Variants in SEMA3D observed in about 807,000 individuals in gnomAD.
SEMA3D encodes semaphorin 3D.
A neutral mutation model predicts 100.1 loss-of-function variants in SEMA3D; 84 were observed. The observed-to-expected ratio is 0.84, with a 90% CI of 0.70 to 1.01. The LOEUF is 1.01. SEMA3D is among the 50% of genes least tolerant of loss of function. The pLI, the probability that SEMA3D is intolerant of heterozygous loss-of-function variation, is 0.00. For synonymous variants in SEMA3D, 312 were observed against 320.7 expected, an observed-to-expected ratio of 0.97 and a Z score of 0.29; for missense variants, 875 against 934.1, an observed-to-expected ratio of 0.94 and a Z score of 0.82.
chr7:85,129,513 T>A (rs1431840741), intron 2 of SEMA3D, among the ~76,000 whole-genome samples: 1 of 152,038 alleles, frequency 6.6e-6, no homozygotes, highest in African/African-American at 2.4e-5. Flanking sequence ...CATCTTATCA[T>A]CAAAACAACA....
At chr7:85,119,585 A>G (rs1400504513) in intron 3 of SEMA3D, among the ~76,000 whole-genome samples, 1 of 152,132 alleles carries the variant, frequency 6.6e-6, no homozygotes, top group Non-Finnish European at 1.5e-5. Context: ...CTAGAGGGGA[A>G]TAATACACCC....
At chr7:85,091,811 G>T (rs12536409) in intron 4 of SEMA3D, among the ~76,000 whole-genome samples, 37,063 of 151,920 alleles carry the variant, frequency 0.24, 4,826 homozygotes, top group East Asian at 0.38. Flanking sequence ...AGATATAAAT[G>T]TCTATTCACA....
At chr7:85,006,738 T>C (rs1177172178) in intron 18 of SEMA3D, 64 bp downstream of exon 18, 2 of 1,347,080 alleles carry the variant, frequency 1.5e-6, no homozygotes, top group African/African-American at 3.0e-5. Context: ...AATTAAAAGT[T>C]GAACATCTCT....
chr7:85,071,032 A>T (rs1583893457), intron 6 of SEMA3D, among the ~76,000 whole-genome samples: 1 of 151,992 alleles, frequency 6.6e-6, no homozygotes, highest in African/African-American at 2.4e-5. Flanking sequence ...TGCCCACCTC[A>T]GCCTCCCAAA....
chr7:85,242,588 C>T, the SEMA3D span, among the ~76,000 whole-genome samples: 3 of 152,096 alleles, frequency 2.0e-5, no homozygotes, highest in Non-Finnish European at 4.4e-5. Context: ...TCTGTTCCTA[C>T]TGATTTACTG....
chr7:85,121,215 A>C (rs933378897), intron 3 of SEMA3D, among the ~76,000 whole-genome samples: 4 of 152,228 alleles, frequency 2.6e-5, no homozygotes, highest in Non-Finnish European at 5.9e-5. Flanking sequence ...CTTTGCTTTT[A>C]TATCAAACAT....
intron 17 of SEMA3D, among the ~76,000 whole-genome samples, chr7:85,008,610 CA>C: frequency 1.3e-5 from 2 of 151,804 alleles, no homozygotes; most frequent in South Asian, 4.2e-4. Flanking sequence ...CTCCAAAATC[CA>C]AGACATTTTC....
At chr7:85,117,402 T>C (rs2116388242) in intron 3 of SEMA3D, among the ~76,000 whole-genome samples, 1 of 152,324 alleles carries the variant, frequency 6.6e-6, no homozygotes, top group South Asian at 2.1e-4. Flanking sequence ...TGATGGCTTG[T>C]TATACAGCAA....
chr7:85,062,646 G>T (rs1385024447), intron 8 of SEMA3D, among the ~76,000 whole-genome samples: 1 of 152,038 alleles, frequency 6.6e-6, no homozygotes, highest in Non-Finnish European at 1.5e-5. Context: ...AAAACAAAGG[G>T]TCATTAAACC....
At chr7:85,055,599 A>G (rs1195464014) in intron 9 of SEMA3D, 118 bp downstream of exon 9, 1 of 198,044 alleles carries the variant, frequency 5.0e-6, no homozygotes, top group Admixed American at 6.2e-5. Flanking sequence ...TTTATGAATA[A>G]TGAGCATTAA....
intron 1 of SEMA3D, among the ~76,000 whole-genome samples, chr7:85,160,227 C>T (rs994161629): frequency 1.5e-4 from 22 of 150,870 alleles, no homozygotes; most frequent in Admixed American, 5.3e-4. Flanking sequence ...GAAGTGTGAA[C>T]GAAATTGATA....
intron 2 of SEMA3D, among the ~76,000 whole-genome samples, chr7:85,149,181 A>G (rs965883389): frequency 1.4e-4 from 21 of 151,884 alleles, no homozygotes; most frequent in Non-Finnish European, 2.1e-4. Context: ...GTGGTGGCTC[A>G]TGCCTGTAAT....
intron 4 of SEMA3D, among the ~76,000 whole-genome samples, chr7:85,092,129 G>A (rs1788411433): frequency 6.6e-6 from 1 of 151,958 alleles, no homozygotes; most frequent in Non-Finnish European, 1.5e-5. Flanking sequence ...AGATTAACCA[G>A]TTAACATTAA....
chr7:85,020,064 C>G (rs900870567), intron 14 of SEMA3D, among the ~76,000 whole-genome samples, 169 bp downstream of exon 14: 2 of 151,564 alleles, frequency 1.3e-5, no homozygotes, highest in African/African-American at 4.8e-5. Flanking sequence ...GAGTCCCATT[C>G]CTAGTCGCTT....
chr7:85,232,382 T>C, the SEMA3D span, among the ~76,000 whole-genome samples: 6 of 152,224 alleles, frequency 3.9e-5, no homozygotes. Flanking sequence ...TCTGAATTGC[T>C]CTGTTTTTCT....
the SEMA3D span, among the ~76,000 whole-genome samples, chr7:85,215,174 G>A: frequency 6.7e-6 from 1 of 149,334 alleles, no homozygotes; most frequent in African/African-American, 2.5e-5. Flanking sequence ...GATTTTCTTG[G>A]ACTGTGAAGA....
At chr7:85,202,017 T>G in the SEMA3D span, among the ~76,000 whole-genome samples, 2 of 151,316 alleles carry the variant, frequency 1.3e-5, no homozygotes, top group Non-Finnish European at 2.9e-5. Flanking sequence ...ATCACACTAG[T>G]CTCTGTCTCT....
the SEMA3D span, among the ~76,000 whole-genome samples, chr7:85,250,242 C>T: frequency 4.7e-4 from 68 of 145,574 alleles, no homozygotes; most frequent in Admixed American, 1.5e-3. Context: ...TGCTGATTGC[C>T]AGCACAGCAG....
the SEMA3D span, among the ~76,000 whole-genome samples, chr7:85,218,369 T>C: frequency 1.3e-5 from 2 of 152,108 alleles, no homozygotes; most frequent in Admixed American, 6.6e-5. Context: ...TAAAAAATAA[T>C]TTTTAAGCCA....
Sources: allele counts gnomAD v4.1 joint callset (sites outside exome capture counted in the v4.1 genomes callset), GRCh38; gene constraint gnomAD v4.1.1; transcripts MANE v1.5; gene names NCBI Gene and HGNC (gene_info 2026-07-23, HGNC 2026-07-21).